COL5A3: variants seen among roughly 807,000 people sequenced by gnomAD.
COL5A3 encodes collagen alpha-3(V) chain.
Under a neutral mutation model 250.0 loss-of-function variants are expected in COL5A3, and 172 were observed. That is an observed-to-expected ratio of 0.69 (90% CI 0.61 to 0.78). The LOEUF (loss-of-function observed/expected upper bound fraction) is 0.78. COL5A3 is among the 30% of genes least tolerant of loss of function. The pLI is 0.00. For synonymous variants in COL5A3, 937 were observed against 900.4 expected, an observed-to-expected ratio of 1.04 and a Z score of -0.73; for missense variants, 2,340 against 2,334.4, an observed-to-expected ratio of 1.00 and a Z score of -0.05.
chr19:10,008,442 G>T (rs1390827051), intron 1 of COL5A3, among the ~76,000 whole-genome samples: 1 of 76,090 alleles, frequency 1.3e-5, no homozygotes, highest in Non-Finnish European at 2.6e-5. Flanking sequence ...AGGGGACAAG[G>T]GGTGGGGGGG....
chr19:9,960,861 TG>T lies in COL5A3; in HGVS notation c.4880del (p.Pro1627GlnfsTer2). On this transcript the variant is annotated frameshift_variant, in exon 66 of 67. Transcript: ENST00000264828. LOFTEE classifies it high-confidence loss of function. ...GGAAGTTCAGCTGCACGACATTCACTGGGGACCCGTCGGCGTCCACGTAGGA... is the reference window on the plus strand; with the variant it reads ...GGAAGTTCAGCTGCACGACATTCACTGGGACCCGTCGGCGTCCACGTAGGA... ...KFSYVDADGSPVNVVQLNFLK... is the reference protein window; with the variant it reads ...KFSYVDADGSXVNVVQLNFLK... The T allele has an allele frequency of 6.2e-7, 1 of 1,609,454 alleles. No homozygotes were observed.
chr19:9,973,705 G>A (rs1359214935), intron 49 of COL5A3, 51 bp downstream of exon 49: 7 of 1,612,930 alleles, frequency 4.3e-6, no homozygotes, highest in Non-Finnish European at 5.1e-6. Context: ...CTGCCCAATA[G>A]GACTAGATTT....
chr19:10,003,517 G>A (rs748295405), intron 6 of COL5A3, 48 bp downstream of exon 6: 9 of 1,591,606 alleles, frequency 5.7e-6, no homozygotes, highest in Non-Finnish European at 7.7e-6. Flanking sequence ...AGTCAAGACC[G>A]GAAGTCAGGT....
intron 64 of COL5A3, among the ~76,000 whole-genome samples, chr19:9,963,631 G>A (rs186254465): frequency 0.011 from 1,647 of 150,968 alleles, 36 homozygotes; most frequent in African/African-American, 0.037. Flanking sequence ...GGGCTCAAGC[G>A]ATCCTCCCAC....
At chr19:9,991,221 G>A (rs1283676947) in intron 24 of COL5A3, among the ~76,000 whole-genome samples, 7 of 152,102 alleles carry the variant, frequency 4.6e-5, no homozygotes, top group Admixed American at 3.3e-4. Context: ...CAGCCTGGGC[G>A]ACAGAGTGAG....
At position 9,989,541 on chromosome 19, in the gene COL5A3, C is replaced by T. The variant is rs1161493275; in HGVS notation, c.1993-19G>A. ...GGGGACCCTGAAAGAAGATGAACAGCAGGGGAGAGACAGAGGTGCTCAGAG... is the reference window on the plus strand; with the variant it reads ...GGGGACCCTGAAAGAAGATGAACAGTAGGGGAGAGACAGAGGTGCTCAGAG... On this transcript the variant is annotated intron_variant, in intron 24 of 66. Transcript: ENST00000264828. 3 of 1,604,748 alleles carry T rather than the reference C, an allele frequency of 1.9e-6. No homozygotes were observed. In the South Asian group the frequency reaches 3.4e-5, roughly 18 times the overall value.
chr19:9,993,375 C>G lies in COL5A3; in HGVS notation c.1749+5G>C. 6.2e-7 allele frequency: 1 copy of G among 1,614,140 alleles called. No homozygotes were observed. Among genetic ancestry groups the G allele is most frequent in the African/African-American group, 1.3e-5 (1 of 75,054 alleles). On this transcript the variant is annotated splice_donor_5th_base_variant and intron_variant, in intron 19 of 66. Transcript: ENST00000264828. ...AACCAGGCCCTAACTCTCTTCCAAA[C>G]TTACCCTCTCACCATCCTCTCCTGG...
rs758678999 is a variant in COL5A3, at chr19:10,005,794, A to T, written c.437+2T>A. The T allele has an allele frequency of 1.2e-6, 2 of 1,608,720 alleles. No homozygotes were observed. The highest frequency in any genetic ancestry group is 1.7e-6 in the Non-Finnish European group (2 of 1,176,750). On this transcript the variant is annotated splice_donor_variant, in intron 3 of 66. Coordinates refer to ENST00000264828, the MANE Select transcript of COL5A3 (RefSeq NM_015719.4). LOFTEE classifies it high-confidence loss of function. ...ACCCCCGCCCACTCTCCCCATGCTCACCTGCCATCTGTGAGGTTGACCTGC... is the reference window on the plus strand; with the variant it reads ...ACCCCCGCCCACTCTCCCCATGCTCTCCTGCCATCTGTGAGGTTGACCTGC...
chr19:9,977,947 C>CATACATAT (rs1555736344), intron 41 of COL5A3, among the ~76,000 whole-genome samples: 1 of 106,140 alleles, frequency 9.4e-6, no homozygotes, highest in Admixed American at 1.1e-4. Flanking sequence ...GCAGCCTATA[C>CATACATAT]ATATATATAT....
At chr19:9,972,709 G>A (rs2086870048) in intron 51 of COL5A3, among the ~76,000 whole-genome samples, 1 of 152,132 alleles carries the variant, frequency 6.6e-6, no homozygotes, top group African/African-American at 2.4e-5. Flanking sequence ...GGTGGCGCGT[G>A]CCTGTAGTCC....
chr19:9,995,987 T>G, intron 15 of COL5A3, 79 bp downstream of exon 15: 1 of 1,332,042 alleles, frequency 7.5e-7, no homozygotes, highest in South Asian at 1.7e-5. Context: ...TTTGGCACTT[T>G]CCCCATCCAG....
At chr19:9,973,380 CCTG>C (rs1408566471) in intron 50 of COL5A3, among the ~76,000 whole-genome samples, 187 bp downstream of exon 50, 2 of 152,150 alleles carry the variant, frequency 1.3e-5, no homozygotes, top group Non-Finnish European at 2.9e-5. Context: ...TAGTGTGCAA[CCTG>C]CAGAACTGTA....
chr19:9,974,555 C>T (rs1299206347), intron 45 of COL5A3, 147 bp from the exon 46 acceptor site: 3 of 575,198 alleles, frequency 5.2e-6, no homozygotes, highest in Non-Finnish European at 8.8e-6. Flanking sequence ...GAGTTGGGGT[C>T]TAGGTTAAGG....
In COL5A3 at chr19:9,993,021, A is replaced by G. The variant is rs746242784; in HGVS notation, c.1794+2T>C. The G allele has an allele frequency of 6.2e-7, 1 of 1,613,546 alleles. No individual in the cohort carries two copies. The highest frequency in any genetic ancestry group is 1.1e-5 in the South Asian group (1 of 91,018). ...AGGGGCCCAGGGATCCCTGATACTC[A>G]CCGGCTCCCCAGCCTGGCCAGTGGG... On this transcript the variant is annotated splice_donor_variant, in intron 20 of 66. Coordinates refer to ENST00000264828, the MANE Select transcript of COL5A3 (RefSeq NM_015719.4). LOFTEE classifies it high-confidence loss of function.
At position 9,985,985 on chromosome 19, in the gene COL5A3, C is replaced by T. The variant is rs759009655; in HGVS notation, c.2353-90G>A. ...GGCTGGCTGGGGCATGGTGAATGGGCTAATGGGATGGGAGTTGGGGAAACG... is the reference window on the plus strand; with the variant it reads ...GGCTGGCTGGGGCATGGTGAATGGGTTAATGGGATGGGAGTTGGGGAAACG... On this transcript the variant is annotated intron_variant, in intron 30 of 66. Coordinates refer to ENST00000264828, the MANE Select transcript of COL5A3 (RefSeq NM_015719.4). 178 of 1,138,478 alleles carry T rather than the reference C, an allele frequency of 1.6e-4. 1 individual carries two copies. The highest frequency in any genetic ancestry group is 2.1e-4 in the Admixed American group (12 of 58,090). The allele number at this position is 1,138,478 out of a possible 1,614,324, so 70.5% of individuals were successfully genotyped here. A position where few individuals can be genotyped will look rare whatever the true frequency, so the allele number is the denominator to read the frequency against.
Position 10,005,539 on chromosome 19 carries a change from C to T in COL5A3, c.594+19G>A, listed in dbSNP as rs1366707914. The T allele has an allele frequency of 1.9e-6, 3 of 1,612,574 alleles. No homozygotes were observed. Among genetic ancestry groups the T allele is most frequent in the Admixed American group, 3.3e-5 (2 of 59,982 alleles). On this transcript the variant is annotated intron_variant, in intron 4 of 66. Transcript: ENST00000264828. ...CATCCCACCCTCTGCCTCAGTTTCC[C>T]CCATCACTGAACTCCTACCTCGAAA...
chr19:9,973,196 G>C (rs1005196728), intron 50 of COL5A3, among the ~76,000 whole-genome samples, 170 bp from the exon 51 acceptor site: 1 of 152,206 alleles, frequency 6.6e-6, no homozygotes, highest in African/African-American at 2.4e-5. Context: ...ACTTAAGACA[G>C]TGAAAGGTCT....
intron 1 of COL5A3, 51 bp from the exon 2 acceptor site, chr19:10,006,282 A>G: frequency 6.6e-7 from 1 of 1,525,956 alleles, no homozygotes; most frequent in Non-Finnish European, 8.8e-7. Context: ...GAACAGCTAG[A>G]ATAAGCCCAG....
intron 61 of COL5A3, 50 bp from the exon 62 acceptor site, chr19:9,967,450 C>T (rs779083620): frequency 1.5e-6 from 2 of 1,320,360 alleles, no homozygotes; most frequent in Admixed American, 2.8e-5. Flanking sequence ...GGAGACCCTT[C>T]CCACCAACAT....
Sources: gnomAD v4.1 joint callset for allele counts (sites outside exome capture counted in the v4.1 genomes callset) on GRCh38, gnomAD v4.1.1 for gene constraint, MANE v1.5 for transcripts, NCBI Gene and HGNC (gene_info 2026-07-23, HGNC 2026-07-21) for gene names.